The following FBXO36 variants were observed in gnomAD, a reference collection of about 807,000 sequenced individuals.
FBXO36 encodes F-box protein 36, also known as F-box only protein 36.
A neutral mutation model predicts 17.0 loss-of-function variants in FBXO36; 18 were observed. The observed-to-expected ratio is 1.06, with a 90% CI of 0.73 to 1.57. The LOEUF (loss-of-function observed/expected upper bound fraction) is 1.57, where lower values mean the gene tolerates loss of function less well. Among genes scored for constraint, FBXO36 ranks in the 40% most tolerant of loss-of-function variants. FBXO36 has a pLI of 0.00. For missense variants in FBXO36, 229 were observed against 221.9 expected, an observed-to-expected ratio of 1.03 and a Z score of -0.20; for synonymous variants, 83 against 85.3, an observed-to-expected ratio of 0.97 and a Z score of 0.15.
intron 2 of FBXO36, among the ~76,000 whole-genome samples, chr2:229,993,503 G>A (rs1022587901): frequency 2.0e-5 from 3 of 152,160 alleles, no homozygotes; most frequent in Non-Finnish European, 2.9e-5. Context: ...ATATGCGGGG[G>A]TGTAAGTTTA....
At chr2:229,938,658 G>A (rs1193327266) in intron 1 of FBXO36, among the ~76,000 whole-genome samples, 3 of 136,960 alleles carry the variant, frequency 2.2e-5, no homozygotes, top group African/African-American at 8.2e-5. Flanking sequence ...CCATCATGCC[G>A]GGCTAATTTT....
rs5839351 is a variant in FBXO36, at chr2:230,011,598, C to CTTTTTTTTTTTTTTT, written c.*717_*731dup. 4.3e-3 allele frequency: 533 copies of CTTTTTTTTTTTTTTT among 123,152 alleles called. No homozygotes were observed. The highest frequency in any genetic ancestry group is 5.8e-3 in the Non-Finnish European group (360 of 61,796). 7.6% of individuals were successfully genotyped at this position (123,152 alleles called of 1,614,324 possible). A position where few individuals can be genotyped will look rare whatever the true frequency, so the allele number is the denominator to read the frequency against. On this transcript the variant is annotated 3_prime_UTR_variant, in exon 4 of 4. Transcript: ENST00000283946. ...AACCTATAAACATTTCTTTTCTTTT[C>CTTTTTTTTTTTTTTT]TTTTTTTTTTTTTTTTTGTATTTTC...
rs748422157 is a variant in FBXO36 at position 229,995,592 on chromosome 2, C to CTTTTTTTTTTTTTTTTTTTTTTT, written c.206-1156_206-1155insTTTTTTTTTTTTTTTTTTTTTTT. ...TTTCTTTCTTTCTTTCTCTTTCTTT[C>CTTTTTTTTTTTTTTTTTTTTTTT]TTTCTTTTTTTTTTTTTTGGACAGA... On this transcript the variant is annotated intron_variant, in intron 2 of 3. Transcript: ENST00000283946. 5.2e-5 allele frequency among the ~76,000 whole-genome samples: 6 copies of CTTTTTTTTTTTTTTTTTTTTTTT among 114,552 alleles called. 1 individual carries two copies. The highest frequency in any genetic ancestry group is 6.4e-5 in the African/African-American group (2 of 31,420). 75.2% of individuals were successfully genotyped at this position (114,552 alleles called of 152,430 possible).
intron 1 of FBXO36, among the ~76,000 whole-genome samples, chr2:229,932,608 A>G (rs1211513278): frequency 6.6e-6 from 1 of 151,134 alleles, no homozygotes; most frequent in Non-Finnish European, 1.5e-5. Context: ...AACCTGAGAG[A>G]TGGAGGTTGC....
In FBXO36 at chr2:229,932,927, C is replaced by T. The variant is rs779988869; in HGVS notation, c.96+10318C>T. The stretch of plus-strand genomic sequence containing the variant: ...TAATAAAAACTAAAAATTAGCCGGG[C>T]GTGGTGATGCACGCCTGTAATCCCA... On this transcript the variant is annotated intron_variant, in intron 1 of 3. Coordinates refer to ENST00000283946, the MANE Select transcript of FBXO36 (RefSeq NM_174899.5). The T allele has an allele frequency of 1.2e-3, 356 of 290,206 alleles. 4 individuals carry two copies. The highest frequency in any genetic ancestry group is 3.1e-4 in the Non-Finnish European group (43 of 139,602). 18.0% of individuals were successfully genotyped at this position (290,206 alleles called of 1,614,324 possible). A position where few individuals can be genotyped will look rare whatever the true frequency, so the allele number is the denominator to read the frequency against.
chr2:229,948,286 G>C (rs1411576734), intron 1 of FBXO36, among the ~76,000 whole-genome samples: 5 of 152,152 alleles, frequency 3.3e-5, no homozygotes, highest in African/African-American at 1.2e-4. Context: ...GTTATTTGAG[G>C]TTGGGTTAAA....
intron 1 of FBXO36, among the ~76,000 whole-genome samples, chr2:229,936,611 G>T (rs540367829): frequency 2.6e-5 from 4 of 152,152 alleles, no homozygotes; most frequent in Non-Finnish European, 5.9e-5. Flanking sequence ...GCTCACACTT[G>T]TAATCCCAAC....
intron 3 of FBXO36, among the ~76,000 whole-genome samples, chr2:230,000,302 G>A (rs990806315): frequency 1.1e-4 from 16 of 140,686 alleles, no homozygotes; most frequent in African/African-American, 3.5e-4. Context: ...AGGTTGCAGT[G>A]AGCCAAGATC....
intron 3 of FBXO36, among the ~76,000 whole-genome samples, chr2:230,005,046 C>A (rs1169485166): frequency 2.6e-5 from 4 of 152,142 alleles, no homozygotes; most frequent in Middle Eastern, 3.4e-3. Context: ...AATCTTCCTC[C>A]ATTTAAAAAA....
chr2:230,001,651 G>C (rs1159186906), intron 3 of FBXO36, among the ~76,000 whole-genome samples: 2 of 151,944 alleles, frequency 1.3e-5, no homozygotes, highest in African/African-American at 4.8e-5. Context: ...CAAATTCCGG[G>C]GGACAAGTTT....
Position 230,011,029 on chromosome 2 carries a change from A to C in FBXO36, c.*145A>C, listed in dbSNP as rs115277725. On this transcript the variant is annotated 3_prime_UTR_variant, in exon 4 of 4. Transcript: ENST00000283946. ...GAAACTCGTAGGGGATTTGCACACA[A>C]ATGCAGCAGAGTCTGGCTCCCCAGT... 3.1e-3 allele frequency: 2,641 copies of C among 864,586 alleles called. 62 individuals carry two copies. In the African/African-American group the frequency reaches 0.041, roughly 13 times the overall value. 53.6% of individuals were successfully genotyped at this position (864,586 alleles called of 1,614,324 possible). A position where few individuals can be genotyped will look rare whatever the true frequency, so the allele number is the denominator to read the frequency against.
At chr2:229,943,923 TC>T (rs1271109423) in intron 1 of FBXO36, among the ~76,000 whole-genome samples, 2 of 152,124 alleles carry the variant, frequency 1.3e-5, no homozygotes, top group Non-Finnish European at 2.9e-5. Flanking sequence ...GGGGCGGACT[TC>T]CCTCTTGCTG....
intron 1 of FBXO36, among the ~76,000 whole-genome samples, chr2:229,959,595 G>A (rs888675875): frequency 6.6e-6 from 1 of 151,924 alleles, no homozygotes; most frequent in Non-Finnish European, 1.5e-5. Context: ...CCTGGAATCC[G>A]AGCACTTTGG....
intron 3 of FBXO36, among the ~76,000 whole-genome samples, chr2:230,002,082 C>A (rs1028634014): frequency 6.6e-6 from 1 of 152,108 alleles, no homozygotes; most frequent in Admixed American, 6.6e-5. Context: ...AAGTGATCAG[C>A]CTGCCTCAGC....
chr2:229,946,060 TG>T (rs1482215502), intron 1 of FBXO36, among the ~76,000 whole-genome samples: 5 of 148,126 alleles, frequency 3.4e-5, no homozygotes, highest in Admixed American at 6.8e-5. Context: ...ATTGGGAGGA[TG>T]AAAAGGAAGT....
At chr2:229,982,676 G>A (rs2077246742) in intron 2 of FBXO36, among the ~76,000 whole-genome samples, 1 of 150,736 alleles carries the variant, frequency 6.6e-6, no homozygotes, top group Admixed American at 6.6e-5. Context: ...GCATGGTGGT[G>A]GGCACCTGTA....
At chr2:229,987,000 T>G (rs917150383) in intron 2 of FBXO36, among the ~76,000 whole-genome samples, 3 of 151,230 alleles carry the variant, frequency 2.0e-5, no homozygotes, top group South Asian at 2.1e-4. Context: ...GGGCAGATCA[T>G]TTGAGGTCAG....
At chr2:229,996,502 A>G (rs1228518292) in intron 2 of FBXO36, among the ~76,000 whole-genome samples, 3 of 152,116 alleles carry the variant, frequency 2.0e-5, no homozygotes, top group Non-Finnish European at 4.4e-5. Flanking sequence ...GGGATGCAGA[A>G]ATCACTGTGT....
At chr2:229,931,895 G>GT (rs1312774289) in intron 1 of FBXO36, among the ~76,000 whole-genome samples, 1 of 150,316 alleles carries the variant, frequency 6.7e-6, no homozygotes, top group Non-Finnish European at 1.5e-5. Context: ...TTTTCTTTTG[G>GT]TTTTTTGCTT....
Sources: allele counts gnomAD v4.1 joint callset (sites outside exome capture counted in the v4.1 genomes callset), GRCh38; gene constraint gnomAD v4.1.1; transcripts MANE v1.5; gene names NCBI Gene and HGNC (gene_info 2026-07-23, HGNC 2026-07-21).